The following DLEU7 variants were observed in gnomAD, a reference collection of about 807,000 sequenced individuals.
DLEU7 encodes the protein deleted in lymphocytic leukemia 7.
A neutral mutation model predicts 16.0 loss-of-function variants in DLEU7; 17 were observed. The observed-to-expected ratio is 1.06, with a 90% CI of 0.73 to 1.59. DLEU7 has a LOEUF of 1.59. Ranked by LOEUF, DLEU7 falls within the 40% of genes most tolerant of loss-of-function variation. The pLI is 0.00. For synonymous variants in DLEU7, 113 were observed against 139.8 expected, an observed-to-expected ratio of 0.81 and a Z score of 1.35; for missense variants, 308 against 314.9, an observed-to-expected ratio of 0.98 and a Z score of 0.17.
intron 1 of DLEU7, among the ~76,000 whole-genome samples, chr13:50,767,653 T>C (rs1406669983): frequency 1.3e-5 from 2 of 151,854 alleles, no homozygotes. Flanking sequence ...AGTTGGAAAA[T>C]AGGACCAGAA....
intron 1 of DLEU7, among the ~76,000 whole-genome samples, chr13:50,748,780 A>G (rs577111442): frequency 1.3e-5 from 2 of 152,106 alleles, no homozygotes; most frequent in Admixed American, 6.5e-5. Flanking sequence ...AGAAGAGAGA[A>G]TTGGAGAAAA....
rs1377221626 is a variant in DLEU7, at chr13:50,843,186, A to C, written c.459+2T>G. 6.3e-7 allele frequency: 1 copy of C among 1,589,408 alleles called. No individual in the cohort carries two copies. The highest frequency in any genetic ancestry group is 1.4e-5 in the African/African-American group (1 of 72,552). ...AGAGGGGATGGCGGGGGCCAGACTC[A>C]CCTTCAGGTGAATGGGAAAGGACCG... On this transcript the variant is annotated splice_donor_variant, in intron 1 of 1. Coordinates refer to ENST00000504404, the MANE Select transcript of DLEU7 (RefSeq NM_001306135.2). LOFTEE classifies it high-confidence loss of function. This position sits in a 1 kb window ranked among gnomAD's most constrained non-coding sequence, Gnocchi z 5.7.
intron 1 of DLEU7, among the ~76,000 whole-genome samples, chr13:50,785,613 A>T (rs1875777107): frequency 6.6e-6 from 1 of 152,218 alleles, no homozygotes; most frequent in African/African-American, 2.4e-5. Flanking sequence ...ATGGTAAATT[A>T]AGCTTTGTCT....
chr13:50,786,856 T>C (rs1418717728), intron 1 of DLEU7, among the ~76,000 whole-genome samples: 1 of 152,168 alleles, frequency 6.6e-6, no homozygotes, highest in Non-Finnish European at 1.5e-5. Context: ...AGATATAATC[T>C]GGGTAATGTC....
intron 1 of DLEU7, among the ~76,000 whole-genome samples, chr13:50,721,465 T>A (rs529950636): frequency 1.3e-5 from 2 of 150,852 alleles, no homozygotes; most frequent in East Asian, 4.0e-4. Context: ...GACTAATACA[T>A]CTAGCATTAA....
intron 1 of DLEU7, among the ~76,000 whole-genome samples, chr13:50,790,929 C>T (rs558928166): frequency 6.6e-6 from 1 of 152,228 alleles, no homozygotes; most frequent in South Asian, 2.1e-4. Flanking sequence ...CTCACTTCGG[C>T]TATACCCAAA....
chr13:50,796,622 TC>T (rs760192056), intron 1 of DLEU7, among the ~76,000 whole-genome samples: 5 of 152,164 alleles, frequency 3.3e-5, no homozygotes, highest in Non-Finnish European at 7.4e-5. Context: ...ACTGCTATAG[TC>T]CAATTAGAAG....
chr13:50,831,375 C>T (rs934943972), intron 1 of DLEU7, among the ~76,000 whole-genome samples: 1 of 152,046 alleles, frequency 6.6e-6, no homozygotes, highest in African/African-American at 2.4e-5. Context: ...GGAAGGACTA[C>T]ATTAGATACT....
intron 1 of DLEU7, among the ~76,000 whole-genome samples, chr13:50,825,105 A>G (rs1357620406): frequency 6.6e-6 from 1 of 151,944 alleles, no homozygotes; most frequent in Admixed American, 6.6e-5. Flanking sequence ...CTTTTTTTTT[A>G]AGAGATGAGA....
chr13:50,827,463 G>T (rs1188145016), intron 1 of DLEU7, among the ~76,000 whole-genome samples: 2 of 151,822 alleles, frequency 1.3e-5, no homozygotes, highest in Non-Finnish European at 2.9e-5. Context: ...CAGATTGCTT[G>T]ACTCCAGGAG....
chr13:50,721,051 T>C (rs1439079585), intron 1 of DLEU7, among the ~76,000 whole-genome samples: 2 of 152,210 alleles, frequency 1.3e-5, no homozygotes, highest in South Asian at 2.1e-4. Flanking sequence ...CTGACCCAGC[T>C]GCAATGTGAG....
intron 1 of DLEU7, among the ~76,000 whole-genome samples, chr13:50,774,929 C>G (rs1364900928): frequency 6.6e-6 from 1 of 151,944 alleles, no homozygotes; most frequent in East Asian, 1.9e-4. Context: ...GGACTTGACT[C>G]CCATTTGTTT....
intron 1 of DLEU7, among the ~76,000 whole-genome samples, chr13:50,838,343 A>G (rs1282526816): frequency 1.3e-5 from 2 of 152,252 alleles, no homozygotes; most frequent in Non-Finnish European, 2.9e-5. Flanking sequence ...CTTCCGCCAC[A>G]ATTTCCATGA....
chr13:50,797,731 T>C (rs1462013324), intron 1 of DLEU7, among the ~76,000 whole-genome samples: 1 of 152,190 alleles, frequency 6.6e-6, no homozygotes, highest in Non-Finnish European at 1.5e-5. Flanking sequence ...GTTTGCAAAA[T>C]GCGGAGTACA....
chr13:50,813,122 T>C (rs1341694965), intron 1 of DLEU7: 1 of 152,176 alleles, frequency 6.6e-6, no homozygotes, highest in African/African-American at 2.4e-5. Context: ...TTTTTCTGAC[T>C]AATGCATGGA....
At chr13:50,744,639 G>A (rs557596396) in intron 1 of DLEU7, among the ~76,000 whole-genome samples, 3 of 152,260 alleles carry the variant, frequency 2.0e-5, no homozygotes, top group African/African-American at 4.8e-5. Flanking sequence ...GCAATTCATG[G>A]AAATGGAGAA....
intron 1 of DLEU7, among the ~76,000 whole-genome samples, chr13:50,745,571 G>A (rs958511181): frequency 6.6e-6 from 1 of 152,052 alleles, no homozygotes; most frequent in Non-Finnish European, 1.5e-5. Context: ...ATATAAAAAA[G>A]AATAAATATA....
chr13:50,767,055 T>C (rs1875135484), intron 1 of DLEU7, among the ~76,000 whole-genome samples: 1 of 152,218 alleles, frequency 6.6e-6, no homozygotes, highest in Admixed American at 6.5e-5. Flanking sequence ...TCCATTTCTG[T>C]TATCCTACAC....
chr13:50,759,310 A>G (rs1191758968), intron 1 of DLEU7, among the ~76,000 whole-genome samples: 1 of 152,174 alleles, frequency 6.6e-6, no homozygotes, highest in Non-Finnish European at 1.5e-5. Flanking sequence ...AAATCACTTA[A>G]CTATTATGGG....
Sources: gnomAD v4.1 joint callset for allele counts (sites outside exome capture counted in the v4.1 genomes callset) on GRCh38, gnomAD v4.1.1 for gene constraint, Gnocchi (gnomAD v3.1) non-coding constraint, MANE v1.5 for transcripts, NCBI Gene and HGNC (gene_info 2026-07-23, HGNC 2026-07-21) for gene names.